RBFOX1: variants seen among roughly 807,000 people sequenced by gnomAD.
RBFOX1 encodes RNA binding fox-1 homolog 1, also known as RNA binding protein fox-1 homolog 1.
A neutral mutation model predicts 57.7 loss-of-function variants in RBFOX1; 8 were observed. That is an observed-to-expected ratio of 0.14 (90% CI 0.08 to 0.25). RBFOX1 has a LOEUF of 0.25. RBFOX1 is among the 10% of genes least tolerant of loss of function. The pLI, the probability that RBFOX1 is intolerant of heterozygous loss-of-function variation, is 1.00. For missense variants in RBFOX1, 611 were observed against 548.5 expected, an observed-to-expected ratio of 1.11 and a Z score of -1.14; for synonymous variants, 326 against 222.4, an observed-to-expected ratio of 1.47 and a Z score of -4.15.
chr16:6,661,369 A>G (rs1360824174), intron 3 of RBFOX1, among the ~76,000 whole-genome samples: 26 of 152,156 alleles, frequency 1.7e-4, no homozygotes, highest in Admixed American at 1.7e-3. Flanking sequence ...AGAACATGGT[A>G]TGTTTATGGC....
At chr16:5,847,354 GA>G (rs376046497) in intron 3 of RBFOX1, among the ~76,000 whole-genome samples, 66 of 130,588 alleles carry the variant, frequency 5.1e-4, no homozygotes, top group South Asian at 1.1e-3. Flanking sequence ...TTCCTTATCT[GA>G]AAAAAAAAAT....
At chr16:5,419,436 A>C (rs540842292) in intron 1 of RBFOX1, among the ~76,000 whole-genome samples, 1 of 152,078 alleles carries the variant, frequency 6.6e-6, no homozygotes, top group Admixed American at 6.5e-5. Flanking sequence ...TTTTCTGGCA[A>C]TGCTGGCAGC....
At chr16:5,364,983 G>T (rs964024310) in intron 1 of RBFOX1, among the ~76,000 whole-genome samples, 4 of 152,192 alleles carry the variant, frequency 2.6e-5, no homozygotes, top group Non-Finnish European at 4.4e-5. Context: ...GGTTGCAGTG[G>T]TTTGGGTTCT....
intron 2 of RBFOX1, among the ~76,000 whole-genome samples, chr16:5,476,236 C>G (rs1023425894): frequency 1.3e-5 from 2 of 152,060 alleles, no homozygotes; most frequent in Admixed American, 1.3e-4. Context: ...ACACATATCG[C>G]AAAACATCAT....
At chr16:6,567,970 G>A (rs971856589) in intron 2 of RBFOX1, among the ~76,000 whole-genome samples, 1 of 152,094 alleles carries the variant, frequency 6.6e-6, no homozygotes, top group Admixed American at 6.5e-5. Context: ...ACAGGCGCAT[G>A]CCACCATGCC....
intron 3 of RBFOX1, among the ~76,000 whole-genome samples, chr16:7,029,401 G>A (rs192334671): frequency 1.3e-3 from 195 of 151,304 alleles, no homozygotes; most frequent in African/African-American, 3.9e-3. Flanking sequence ...AGAAACATGA[G>A]TCTTCAGTTC....
At chr16:6,307,445 AAATT>A (rs1473779395) in intron 1 of RBFOX1, among the ~76,000 whole-genome samples, 3 of 151,714 alleles carry the variant, frequency 2.0e-5, no homozygotes, top group Non-Finnish European at 4.4e-5. Context: ...GATAAGAAAT[AAATT>A]ATTTCTTATT....
intron 2 of RBFOX1, among the ~76,000 whole-genome samples, chr16:6,640,936 A>G (rs963024998): frequency 2.6e-5 from 4 of 152,124 alleles, no homozygotes; most frequent in Non-Finnish European, 5.9e-5. Context: ...GATGAAAATA[A>G]TGACTGTGGC....
intron 4 of RBFOX1, among the ~76,000 whole-genome samples, chr16:7,167,240 C>T (rs2079757492): frequency 6.6e-6 from 1 of 151,826 alleles, no homozygotes; most frequent in Non-Finnish European, 1.5e-5. Flanking sequence ...CCAGCTTCTG[C>T]CTACCAAAGT....
At chr16:6,603,826 T>C (rs547595608) in intron 2 of RBFOX1, among the ~76,000 whole-genome samples, 2 of 152,290 alleles carry the variant, frequency 1.3e-5, no homozygotes, top group South Asian at 4.2e-4. Context: ...GGGTACTTTA[T>C]AGACATAGAC....
chr16:6,390,427 T>G (rs1269769073), intron 2 of RBFOX1, among the ~76,000 whole-genome samples: 2 of 152,120 alleles, frequency 1.3e-5, no homozygotes, highest in African/African-American at 4.8e-5. Context: ...AGGTATCAAT[T>G]TTTTAAAAAA....
intron 4 of RBFOX1, among the ~76,000 whole-genome samples, chr16:7,314,002 G>C (rs1255782368): frequency 6.6e-6 from 1 of 152,012 alleles, no homozygotes; most frequent in African/African-American, 2.4e-5. Flanking sequence ...AGAGGAAAGA[G>C]TTCAGGCGAC....
chr16:6,128,584 G>A (rs1353539992), intron 1 of RBFOX1, among the ~76,000 whole-genome samples: 1 of 152,230 alleles, frequency 6.6e-6, no homozygotes, highest in Non-Finnish European at 1.5e-5. Flanking sequence ...CTGAAGATTT[G>A]AAGAGTAGAG....
intron 5 of RBFOX1, among the ~76,000 whole-genome samples, chr16:7,540,008 A>T (rs2082500306): frequency 6.6e-6 from 1 of 152,174 alleles, no homozygotes. Flanking sequence ...TAAGCCCTAA[A>T]GCATAGAAGG....
intron 3 of RBFOX1, among the ~76,000 whole-genome samples, chr16:6,787,344 G>C (rs1333631783): frequency 6.6e-6 from 1 of 152,180 alleles, no homozygotes; most frequent in African/African-American, 2.4e-5. Flanking sequence ...AGCACATAAA[G>C]AAGTTCTTTC....
At chr16:6,591,616 C>T (rs2097712510) in intron 2 of RBFOX1, among the ~76,000 whole-genome samples, 1 of 152,160 alleles carries the variant, frequency 6.6e-6, no homozygotes, top group Non-Finnish European at 1.5e-5. Flanking sequence ...ATGATAGAAA[C>T]TGCTTTTCTT....
intron 3 of RBFOX1, among the ~76,000 whole-genome samples, chr16:6,677,801 A>G (rs1028953371): frequency 3.3e-5 from 5 of 152,274 alleles, no homozygotes; most frequent in East Asian, 1.9e-4. Context: ...AGACTGAACA[A>G]TGGTGGCAGA....
chr16:6,956,964 A>G (rs1440719777), intron 3 of RBFOX1, among the ~76,000 whole-genome samples: 1 of 152,202 alleles, frequency 6.6e-6, no homozygotes, highest in African/African-American at 2.4e-5. Context: ...CACACAAGAA[A>G]GAATTCAGGG....
intron 3 of RBFOX1, among the ~76,000 whole-genome samples, chr16:6,967,194 A>G (rs943294316): frequency 1.3e-5 from 2 of 151,964 alleles, no homozygotes; most frequent in Non-Finnish European, 2.9e-5. Flanking sequence ...TTTTCTATCT[A>G]TACATTGATC....
Sources: gnomAD v4.1 joint callset for allele counts (sites outside exome capture counted in the v4.1 genomes callset) on GRCh38, gnomAD v4.1.1 for gene constraint, MANE v1.5 for transcripts, NCBI Gene and HGNC (gene_info 2026-07-23, HGNC 2026-07-21) for gene names.